FRMD4B: variants seen among roughly 807,000 people sequenced by gnomAD.
FRMD4B encodes FERM domain containing 4B.
Under a neutral mutation model 141.5 loss-of-function variants are expected in FRMD4B, and 74 were observed. The ratio of observed to expected loss-of-function variants is 0.52; its 90% CI spans 0.43 to 0.63. The LOEUF is 0.63. FRMD4B is among the 30% of genes least tolerant of loss of function. The pLI, the probability that FRMD4B is intolerant of heterozygous loss-of-function variation, is 0.00. For synonymous variants in FRMD4B, 506 were observed against 467.9 expected (o/e 1.08, Z -1.05); for missense variants, 1,366 against 1,253.4 (o/e 1.09, Z -1.36).
At chr3:69,351,597 A>G (rs1330290221) in intron 1 of FRMD4B, among the ~76,000 whole-genome samples, 1 of 152,212 alleles carries the variant, frequency 6.6e-6, no homozygotes, top group African/African-American at 2.4e-5. Flanking sequence ...CCACTTTTCT[A>G]TTCCAAGATG....
chr3:69,202,344 G>GT (rs1473631259), intron 11 of FRMD4B, among the ~76,000 whole-genome samples: 2 of 152,050 alleles, frequency 1.3e-5, no homozygotes, highest in African/African-American at 4.8e-5. Context: ...TCCACATAGG[G>GT]TAGGACTATG....
chr3:69,510,946 A>C (rs898411182), intron 1 of FRMD4B, among the ~76,000 whole-genome samples: 1 of 152,044 alleles, frequency 6.6e-6, no homozygotes, highest in African/African-American at 2.4e-5. Flanking sequence ...AAATCTAACC[A>C]TTTTTTCCTT....
In FRMD4B at chr3:69,186,942, T is replaced by C. The variant is rs1437209724; in HGVS notation, c.1919+828A>G. 2.0e-5 allele frequency among the ~76,000 whole-genome samples: 3 copies of C among 152,252 alleles called. No individual in the cohort carries two copies. The East Asian group carries it at 5.8e-4, about 29-fold the overall frequency. On this transcript the variant is annotated intron_variant, in intron 19 of 22. Transcript: ENST00000398540. ...CCAAGTTCTGGGAACCACTGGCCTG[T>C]CATGTTTCTAAAACCTGGTCTCATT...
chr3:69,427,427 A>C (rs564412168), intron 2 of FRMD4B, among the ~76,000 whole-genome samples: 15 of 150,466 alleles, frequency 1.0e-4, no homozygotes, highest in Non-Finnish European at 1.9e-4. Context: ...AATCTGTTTG[A>C]ATATAAACAT....
chr3:69,385,416 C>T (rs1165820595), intron 1 of FRMD4B, among the ~76,000 whole-genome samples: 1 of 152,122 alleles, frequency 6.6e-6, no homozygotes, highest in Non-Finnish European at 1.5e-5. Flanking sequence ...CCACCAAGGC[C>T]CCCTCTGCCA....
At chr3:69,437,374 T>A (rs924032987) in intron 1 of FRMD4B, among the ~76,000 whole-genome samples, 1 of 151,154 alleles carries the variant, frequency 6.6e-6, no homozygotes, top group East Asian at 1.9e-4. Context: ...GCCTGGCCAA[T>A]TGTAATTTTT....
At chr3:69,295,832 T>C (rs976102912) in intron 4 of FRMD4B, among the ~76,000 whole-genome samples, 3 of 152,114 alleles carry the variant, frequency 2.0e-5, no homozygotes, top group South Asian at 2.1e-4. Flanking sequence ...TTTTTTTCTT[T>C]TGGAGACAGG....
At chr3:69,386,630 G>C (rs907649923), upstream of FRMD4B, among the ~76,000 whole-genome samples, 1 of 152,068 alleles carries the variant, frequency 6.6e-6, no homozygotes, top group South Asian at 2.1e-4. Flanking sequence ...GAATAGCCAC[G>C]AATGTTTCCT....
chr3:69,510,004 C>G (rs759683117), intron 1 of FRMD4B, among the ~76,000 whole-genome samples: 1 of 151,308 alleles, frequency 6.6e-6, no homozygotes, highest in Admixed American at 6.6e-5. Context: ...AATCATGTGA[C>G]GTGCTTGATT....
At chr3:69,439,716 C>T (rs1156682750) in intron 1 of FRMD4B, among the ~76,000 whole-genome samples, 3 of 152,174 alleles carry the variant, frequency 2.0e-5, no homozygotes, top group Non-Finnish European at 4.4e-5. Flanking sequence ...GCTCAGAGTG[C>T]CTGTTTACCT....
intron 3 of FRMD4B, chr3:69,306,360 C>T (rs1020948198): frequency 6.6e-5 from 10 of 152,170 alleles, no homozygotes; most frequent in Admixed American, 5.2e-4. Flanking sequence ...TTGTCACAGT[C>T]CCATTGGAAG....
intron 1 of FRMD4B, among the ~76,000 whole-genome samples, chr3:69,383,115 G>A (rs1052694196): frequency 2.0e-5 from 3 of 152,270 alleles, no homozygotes; most frequent in South Asian, 4.1e-4. Context: ...TCTGTGATTA[G>A]TACTATTAAT....
intron 1 of FRMD4B, among the ~76,000 whole-genome samples, chr3:69,527,797 C>T (rs752217176): frequency 2.4e-4 from 36 of 152,164 alleles, no homozygotes; most frequent in Non-Finnish European, 4.3e-4. Context: ...AATTAGAATA[C>T]AAATTTGATT....
intron 4 of FRMD4B, among the ~76,000 whole-genome samples, chr3:69,291,132 A>T (rs1361457469): frequency 6.6e-6 from 1 of 152,248 alleles, no homozygotes; most frequent in East Asian, 1.9e-4. Flanking sequence ...TAGTCTCAGA[A>T]GGGGAAGCCC....
At chr3:69,202,946 C>G (rs1233582564) in intron 11 of FRMD4B, among the ~76,000 whole-genome samples, 2 of 151,922 alleles carry the variant, frequency 1.3e-5, no homozygotes, top group African/African-American at 2.4e-5. Flanking sequence ...CTTAAGGTTA[C>G]AAACCTTATC....
chr3:69,476,636 G>A (rs1359946624), intron 1 of FRMD4B, among the ~76,000 whole-genome samples: 58 of 152,262 alleles, frequency 3.8e-4, no homozygotes, highest in Admixed American at 1.4e-3. Context: ...GTCAGGTAGC[G>A]TGATGCCTCC....
intron 7 of FRMD4B, among the ~76,000 whole-genome samples, chr3:69,242,477 C>CAT (rs2093391783): frequency 1.1e-5 from 1 of 87,632 alleles, no homozygotes; most frequent in East Asian, 3.7e-4. Flanking sequence ...GAAATAGCTG[C>CAT]ATTTTTTTTT....
At chr3:69,485,033 C>A (rs1706191204) in intron 1 of FRMD4B, among the ~76,000 whole-genome samples, 1 of 152,200 alleles carries the variant, frequency 6.6e-6, no homozygotes, top group African/African-American at 2.4e-5. Context: ...CCATCCATGG[C>A]ACCCAGGCTG....
At chr3:69,503,048 A>G (rs1049053847) in intron 1 of FRMD4B, among the ~76,000 whole-genome samples, 1 of 152,224 alleles carries the variant, frequency 6.6e-6, no homozygotes, top group Non-Finnish European at 1.5e-5. Flanking sequence ...GATGCTGGAG[A>G]GGATATGGAG....
Sources: gnomAD v4.1 joint callset for allele counts (sites outside exome capture counted in the v4.1 genomes callset) on GRCh38, gnomAD v4.1.1 for gene constraint, MANE v1.5 for transcripts, NCBI Gene and HGNC (gene_info 2026-07-23, HGNC 2026-07-21) for gene names.